Variants in NAALADL2 observed in about 807,000 individuals in gnomAD.
The protein encoded by NAALADL2 is N-acetylated alpha-linked acidic dipeptidase like 2.
Under a neutral mutation model 87.2 loss-of-function variants are expected in NAALADL2, and 76 were observed. That is an observed-to-expected ratio of 0.87 (90% confidence interval 0.72 to 1.05). NAALADL2 has a LOEUF of 1.05. Among genes scored for constraint, NAALADL2 ranks in the 50% least tolerant of loss-of-function variants. NAALADL2 has a pLI of 0.00. For missense variants in NAALADL2, 1,089 were observed against 945.8 expected (o/e 1.15, Z -1.99); for synonymous variants, 354 against 331.0 (o/e 1.07, Z -0.75).
At position 174,661,066 on chromosome 3, in the gene NAALADL2, A is replaced by G. The variant is rs924448969; in HGVS notation, c.-114-76575A>G. Among the ~76,000 whole-genome samples, 9 of 152,282 alleles carry G rather than the reference A, an allele frequency of 5.9e-5. No homozygotes were observed. In the South Asian group the frequency reaches 6.2e-4, roughly 11 times the overall value. The stretch of plus-strand genomic sequence containing the variant: ...GTATGTAGAGGCCTTACTCTTGATT[A>G]AAATGCTTAAATTAAAAGATTCAGC... On this transcript the variant is annotated intron_variant, in intron 2 of 3. Transcript: ENST00000434257.
intron 1 of NAALADL2, among the ~76,000 whole-genome samples, chr3:174,930,613 A>AATTTTTTTTTTTTTTTTTTTTT (rs1188907600): frequency 1.0e-5 from 1 of 99,792 alleles, no homozygotes; most frequent in Non-Finnish European, 2.0e-5. Flanking sequence ...AATAAGATGA[A>AATTTTTTTTTTTTTTTTTTTTT]CTTTTTTTTT....
chr3:175,669,997 A>T (rs1733720561), intron 11 of NAALADL2, among the ~76,000 whole-genome samples: 2 of 152,206 alleles, frequency 1.3e-5, no homozygotes, highest in Admixed American at 1.3e-4. Context: ...ATAAAAATGT[A>T]GGAATAATAG....
At chr3:174,930,943 A>C (rs1327507604) in intron 1 of NAALADL2, among the ~76,000 whole-genome samples, 1 of 151,896 alleles carries the variant, frequency 6.6e-6, no homozygotes, top group African/African-American at 2.4e-5. Context: ...TTTAAATGCT[A>C]TTTGTATATA....
intron 6 of NAALADL2, among the ~76,000 whole-genome samples, chr3:175,460,798 G>A (rs763953593): frequency 3.3e-5 from 5 of 152,158 alleles, no homozygotes; most frequent in African/African-American, 4.8e-5. Flanking sequence ...TGGGACAAAA[G>A]AGATGATCAT....
chr3:175,733,988 GC>G (rs1195473759), intron 11 of NAALADL2, among the ~76,000 whole-genome samples: 11 of 152,158 alleles, frequency 7.2e-5, no homozygotes, highest in African/African-American at 2.7e-4. Context: ...GCAGGGTATA[GC>G]CCCCCTCCTG....
rs1225868013 is a variant in NAALADL2 at position 174,482,353 on chromosome 3, G to A, written c.-184+41321G>A. On this transcript the variant is annotated intron_variant, in intron 1 of 3. Coordinates refer to the NAALADL2 transcript ENST00000434257. ...TGAGAAAAAGGTGAATTCTGCTCTC[G>A]CCAAGACTCATGAGAGAAGAGTTTC... Among the ~76,000 whole-genome samples the A allele has an allele frequency of 2.6e-5, 4 of 152,024 alleles. No homozygotes were observed. In the East Asian group the frequency reaches 5.8e-4, roughly 22 times the overall value.
chr3:175,442,781 G>A (rs1273334338), intron 5 of NAALADL2, among the ~76,000 whole-genome samples: 1 of 152,116 alleles, frequency 6.6e-6, no homozygotes, highest in Non-Finnish European at 1.5e-5. Context: ...AATAAAAGTT[G>A]GTCCCCCTCA....
At chr3:175,621,110 A>C (rs1726167882) in intron 10 of NAALADL2, among the ~76,000 whole-genome samples, 1 of 152,120 alleles carries the variant, frequency 6.6e-6, no homozygotes, top group Non-Finnish European at 1.5e-5. Context: ...TCACTCCGTC[A>C]CGGATTCTAC....
At chr3:174,860,720 C>T (rs1448095755) in intron 1 of NAALADL2, among the ~76,000 whole-genome samples, 1 of 152,006 alleles carries the variant, frequency 6.6e-6, no homozygotes, top group Non-Finnish European at 1.5e-5. Context: ...TAAGGAGTAA[C>T]CAGGCCTCTT....
intron 12 of NAALADL2, among the ~76,000 whole-genome samples, chr3:175,740,678 A>G (rs1745107962): frequency 6.6e-6 from 1 of 152,220 alleles, no homozygotes; most frequent in East Asian, 1.9e-4. Flanking sequence ...CCCTTATAGC[A>G]GAGCGCATCT....
At chr3:175,756,939 TTAATG>T (rs1365904136) in intron 13 of NAALADL2, among the ~76,000 whole-genome samples, 3 of 151,408 alleles carry the variant, frequency 2.0e-5, no homozygotes, top group South Asian at 2.1e-4. Context: ...TATGACATAT[TTAATG>T]TATGTATATG....
intron 2 of NAALADL2, among the ~76,000 whole-genome samples, chr3:175,165,473 A>G (rs1401208347): frequency 1.3e-5 from 2 of 152,174 alleles, no homozygotes; most frequent in African/African-American, 4.8e-5. Flanking sequence ...TTAAGGCTCA[A>G]AAAAGTTATA....
intron 6 of NAALADL2, 55 bp downstream of exon 6, chr3:175,447,427 C>A: frequency 8.4e-7 from 1 of 1,196,552 alleles, no homozygotes; most frequent in Admixed American, 3.1e-5. Context: ...AGACCATGAT[C>A]ATTTTTAATC....
Position 174,924,316 on chromosome 3 carries a change from G to T in NAALADL2, c.43+64866G>T, listed in dbSNP as rs192184467. ...TATGAGTGAGAACATGTGGTGTTTG[G>T]TTTTTTGTCCCTGTGATAGTTTGCT... On this transcript the variant is annotated intron_variant, in intron 1 of 13. Coordinates refer to ENST00000454872, the MANE Select transcript of NAALADL2 (RefSeq NM_207015.3). 2.3e-3 allele frequency among the ~76,000 whole-genome samples: 350 copies of T among 149,872 alleles called. 2 individuals carry two copies. The highest frequency in any genetic ancestry group is 7.3e-3 in the African/African-American group (295 of 40,658).
At chr3:174,772,882 T>C (rs1273531217) in intron 3 of NAALADL2, among the ~76,000 whole-genome samples, 1 of 152,186 alleles carries the variant, frequency 6.6e-6, no homozygotes, top group Non-Finnish European at 1.5e-5. Flanking sequence ...CATTAGGATG[T>C]TGTGCACTCT....
In NAALADL2 at chr3:175,703,921, A is replaced by T. The variant is rs193141081; in HGVS notation, c.1897-33385A>T. On this transcript the variant is annotated intron_variant, in intron 11 of 13. Transcript: ENST00000454872. The stretch of plus-strand genomic sequence containing the variant: ...TATTATGACAGGGGTTAAGCTAAAC[A>T]CTTAATTGACTCCTGAGTTTCCTTT... 2.1e-3 allele frequency among the ~76,000 whole-genome samples: 317 copies of T among 152,260 alleles called. 3 individuals are homozygous for T. The highest frequency in any genetic ancestry group is 7.4e-3 in the African/African-American group (309 of 41,558).
chr3:174,528,033 G>T (rs1181168037), intron 1 of NAALADL2, among the ~76,000 whole-genome samples: 1 of 152,148 alleles, frequency 6.6e-6, no homozygotes, highest in Non-Finnish European at 1.5e-5. Flanking sequence ...TCCGACAGCA[G>T]ACTGAATAGT....
intron 9 of NAALADL2, among the ~76,000 whole-genome samples, chr3:175,495,092 A>ATTT (rs59352149): frequency 3.7e-5 from 5 of 136,500 alleles, no homozygotes; most frequent in Admixed American, 7.3e-5. Context: ...ATATATATAT[A>ATTT]TTTTTTTTTA....
Position 175,312,894 on chromosome 3 carries a change from C to A in NAALADL2, c.940-11281C>A, listed in dbSNP as rs144855035. Among the ~76,000 whole-genome samples the A allele has an allele frequency of 1.7e-3, 264 of 152,262 alleles. 1 individual carries two copies. The highest frequency in any genetic ancestry group is 6.0e-3 in the African/African-American group (250 of 41,550). On this transcript the variant is annotated intron_variant, in intron 4 of 13. Transcript: ENST00000454872. ...CCAGATCGTAATCACAATAATGTTCCTAAGTCTTTGTATAGTTTGGCACAT... is the reference window on the plus strand; with the variant it reads ...CCAGATCGTAATCACAATAATGTTCATAAGTCTTTGTATAGTTTGGCACAT...
Sources: gnomAD v4.1 joint callset for allele counts (sites outside exome capture counted in the v4.1 genomes callset) on GRCh38, gnomAD v4.1.1 for gene constraint, MANE v1.5 for transcripts, NCBI Gene and HGNC (gene_info 2026-07-23, HGNC 2026-07-21) for gene names.